Variants in GLRA1 observed in about 807,000 individuals in gnomAD.
The protein encoded by GLRA1 is glycine receptor subunit alpha-1.
In GLRA1, 37 loss-of-function variants were observed where a neutral mutation model predicts 48.3. That is an observed-to-expected ratio of 0.77 (90% confidence interval 0.59 to 1.01). GLRA1 has a LOEUF of 1.01. Among genes scored for constraint, GLRA1 ranks in the 50% least tolerant of loss-of-function variants. GLRA1 has a pLI of 0.00. For missense variants in GLRA1, 427 were observed against 571.0 expected, an observed-to-expected ratio of 0.75 and a Z score of 2.57; for synonymous variants, 196 against 210.7, an observed-to-expected ratio of 0.93 and a Z score of 0.60.
At chr5:151,835,615 A>G (rs1763556629) in intron 7 of GLRA1, among the ~76,000 whole-genome samples, 1 of 152,258 alleles carries the variant, frequency 6.6e-6, no homozygotes, top group African/African-American at 2.4e-5. Flanking sequence ...ATCCATGACC[A>G]TCAATTCAGC....
chr5:151,860,057 T>C, intron 3 of GLRA1, 49 bp from the exon 4 acceptor site: 1 of 1,451,570 alleles, frequency 6.9e-7, no homozygotes, highest in Non-Finnish European at 9.7e-7. Flanking sequence ...CCCAAGGACA[T>C]CAACTTTTGG....
At position 151,828,835 on chromosome 5, in the gene GLRA1, G is replaced by A. The variant is rs1763341331; in HGVS notation, c.1059+86C>T. 3 of 1,364,706 alleles carry A rather than the reference G, an allele frequency of 2.2e-6. No homozygotes were observed. The African/African-American group carries it at 4.3e-5, about 20-fold the overall frequency. 84.5% of individuals were successfully genotyped at this position (1,364,706 alleles called of 1,614,324 possible). ...TGCACATTGAGAAGGATGGACCATT[G>A]AAACAAATAACACAAGACAATACTG... is the stretch of plus-strand genomic sequence containing the variant. On this transcript the variant is annotated intron_variant, in intron 8 of 8. Coordinates refer to ENST00000274576, the MANE Select transcript of GLRA1 (RefSeq NM_000171.4).
intron 1 of GLRA1, among the ~76,000 whole-genome samples, chr5:151,907,809 T>C (rs1754513573): frequency 6.6e-6 from 1 of 152,224 alleles, no homozygotes; most frequent in African/African-American, 2.4e-5. Context: ...AGGCAAGAGA[T>C]GGAGAAGATG....
At chr5:151,849,179 C>CTTTCTT (rs1752794028) in intron 7 of GLRA1, 1 of 129,932 alleles carries the variant, frequency 7.7e-6, no homozygotes, top group African/African-American at 4.2e-5. Flanking sequence ...TTCTTTCTTT[C>CTTTCTT]TTTCTTTCTT....
chr5:151,840,786 G>A (rs1217127064), intron 7 of GLRA1, among the ~76,000 whole-genome samples: 1 of 147,016 alleles, frequency 6.8e-6, no homozygotes, highest in Non-Finnish European at 1.5e-5. Context: ...TTGTTAATAA[G>A]AGATGAAGAG....
chr5:151,879,161 GT>G, intron 3 of GLRA1, among the ~76,000 whole-genome samples: 1 of 152,328 alleles, frequency 6.6e-6, no homozygotes, highest in Admixed American at 6.5e-5. Flanking sequence ...CATATGAGAC[GT>G]GGAGTCAAAA....
In GLRA1 at chr5:151,880,757, A is replaced by C. The variant is rs79957638; in HGVS notation, c.252+5964T>G. Among the ~76,000 whole-genome samples the C allele has an allele frequency of 5.7e-3, 875 of 152,400 alleles. 3 individuals are homozygous for C. Among genetic ancestry groups the C allele is most frequent in the Non-Finnish European group, 8.5e-3 (575 of 68,038 alleles). ...TACTTATTCACTTGTATTCATATGC[A>C]CACACATTCACATTCACATGCACAT... is the stretch of plus-strand genomic sequence containing the variant. On this transcript the variant is annotated intron_variant, in intron 3 of 8. Coordinates refer to ENST00000274576, the MANE Select transcript of GLRA1 (RefSeq NM_000171.4).
At chr5:151,833,617 C>G (rs911775947) in intron 7 of GLRA1, among the ~76,000 whole-genome samples, 1 of 152,156 alleles carries the variant, frequency 6.6e-6, no homozygotes, top group Middle Eastern at 3.4e-3. Context: ...GCATGCGCCA[C>G]CATGCTTGGC....
intron 1 of GLRA1, among the ~76,000 whole-genome samples, chr5:151,916,099 A>G (rs541471657): frequency 6.6e-6 from 1 of 152,288 alleles, no homozygotes; most frequent in Non-Finnish European, 1.5e-5. Flanking sequence ...CAGTATGGTG[A>G]GGGAGGAGCA....
chr5:151,878,041 C>T (rs151033704), intron 3 of GLRA1, among the ~76,000 whole-genome samples: 7 of 152,138 alleles, frequency 4.6e-5, no homozygotes, highest in Non-Finnish European at 1.0e-4. Flanking sequence ...TTGGAGGGCT[C>T]AGAAGAGGAC....
chr5:151,905,669 A>C (rs1302770969), intron 1 of GLRA1, among the ~76,000 whole-genome samples: 1 of 152,150 alleles, frequency 6.6e-6, no homozygotes, highest in African/African-American at 2.4e-5. Context: ...CAGGACCAGC[A>C]ACTTGGCTGT....
intron 7 of GLRA1, among the ~76,000 whole-genome samples, chr5:151,836,005 A>G (rs1763569814): frequency 6.6e-6 from 1 of 152,222 alleles, no homozygotes; most frequent in Admixed American, 6.5e-5. Flanking sequence ...AAATAGGAAG[A>G]GAGGAAGTCA....
intron 3 of GLRA1, among the ~76,000 whole-genome samples, chr5:151,871,584 A>G (rs140426620): frequency 0.026 from 3,813 of 146,282 alleles, 538 homozygotes; most frequent in African/African-American, 0.096. Context: ...TTTTTGAGAT[A>G]GAGTCTCGCT....
At chr5:151,846,552 C>T (rs184796327) in intron 7 of GLRA1, among the ~76,000 whole-genome samples, 7 of 152,076 alleles carry the variant, frequency 4.6e-5, no homozygotes, top group African/African-American at 1.2e-4. Context: ...AGCATATTGT[C>T]GAGTTTTGTT....
At chr5:151,839,296 C>T (rs958534125) in intron 7 of GLRA1, among the ~76,000 whole-genome samples, 18 of 152,044 alleles carry the variant, frequency 1.2e-4, no homozygotes, top group Non-Finnish European at 2.2e-4. Context: ...CAAATTCATA[C>T]GAAGAAATAA....
At chr5:151,866,013 G>A (rs77425912) in intron 3 of GLRA1, among the ~76,000 whole-genome samples, 5 of 152,264 alleles carry the variant, frequency 3.3e-5, no homozygotes, top group Admixed American at 6.5e-5. Flanking sequence ...TTCGACATGC[G>A]GGGGGCCATG....
chr5:151,898,895 A>G (rs3936049), intron 1 of GLRA1, among the ~76,000 whole-genome samples: 1,549 of 152,348 alleles, frequency 0.01, 27 homozygotes, highest in African/African-American at 0.029. Context: ...GACTTTTTAA[A>G]TAAAACTTGA....
At position 151,924,591 on chromosome 5, in the gene GLRA1, CA is replaced by C. The variant is rs1581672552; in HGVS notation, c.-43del. 3 of 1,250,576 alleles carry C rather than the reference CA, an allele frequency of 2.4e-6. No individual in the cohort carries two copies. Among genetic ancestry groups the C allele is most frequent in the Non-Finnish European group, 3.5e-6 (3 of 847,828 alleles). 77.5% of individuals were successfully genotyped at this position (1,250,576 alleles called of 1,614,324 possible). A position where few individuals can be genotyped will look rare whatever the true frequency, so the allele number is the denominator to read the frequency against. ...CTTTGTAGTCCACGAGTTATGGGGG[CA>C]AAAATGTTTCAAATTGGCACTTACA... On this transcript the variant is annotated 5_prime_UTR_variant, in exon 1 of 9. Transcript: ENST00000274576.
chr5:151,855,328 T>TA (rs1442610945), intron 5 of GLRA1, 151 bp from the exon 6 acceptor site: 55 of 697,034 alleles, frequency 7.9e-5, no homozygotes, highest in Non-Finnish European at 1.2e-4. Context: ...TCAAAAGAGG[T>TA]AAAAAACTGG....
Sources: allele counts gnomAD v4.1 joint callset (sites outside exome capture counted in the v4.1 genomes callset), GRCh38; gene constraint gnomAD v4.1.1; transcripts MANE v1.5; gene names NCBI Gene and HGNC (gene_info 2026-07-23, HGNC 2026-07-21).